MINDY4B: variants seen among roughly 807,000 people sequenced by gnomAD.
MINDY4B encodes inactive ubiquitin carboxyl-terminal hydrolase MINDY-4B.
Under a neutral mutation model 16.7 loss-of-function variants are expected in MINDY4B, and 25 were observed. That is an observed-to-expected ratio of 1.49 (90% CI 1.09 to 2.09). MINDY4B has a LOEUF of 2.09. Ranked by LOEUF, MINDY4B falls within the 30% of genes most tolerant of loss-of-function variation. The probability of loss-of-function intolerance (pLI) is 0.00; values close to 1 mark genes in which losing one functional copy is unlikely to be tolerated. For missense variants in MINDY4B, 327 were observed against 168.4 expected (o/e 1.94, Z -5.21); for synonymous variants, 132 against 61.9 (o/e 2.13, Z -5.32).
intron 11 of MINDY4B, among the ~76,000 whole-genome samples, chr3:150,872,074 CAG>C (rs1436232350): frequency 6.6e-6 from 1 of 152,164 alleles, no homozygotes; most frequent in Non-Finnish European, 1.5e-5. Flanking sequence ...TTCATAAAAA[CAG>C]AAATCCTAGT....
At chr3:150,877,932 C>A (rs1711499265) in intron 10 of MINDY4B, among the ~76,000 whole-genome samples, 1 of 152,104 alleles carries the variant, frequency 6.6e-6, no homozygotes, top group Non-Finnish European at 1.5e-5. Context: ...TAATGGCAGG[C>A]AGCATGGTCC....
rs930514911 is a variant in MINDY4B at position 150,905,202 on chromosome 3, T to C, written c.114-113A>G. On this transcript the variant is annotated intron_variant, in intron 1 of 11. Coordinates refer to ENST00000465419, the MANE Select transcript of MINDY4B (RefSeq NM_001351281.2). ...GGAAGTCTCTGTCCACGAATAGTTA[T>C]GCCTGAAGCATTTTAAAGGTAAATC... 5 of 398,240 alleles carry C rather than the reference T, an allele frequency of 1.3e-5. No individual in the cohort carries two copies. The East Asian group carries it at 1.4e-4, about 11-fold the overall frequency. 24.7% of individuals were successfully genotyped at this position (398,240 alleles called of 1,614,324 possible).
At position 150,894,335 on chromosome 3, in the gene MINDY4B, A is replaced by G. The variant is rs1031067497; in HGVS notation, c.310-30T>C. Reference sequence around the variant, plus strand: ...AAAGAGGGGAAAGAAATGATTCAACAAAAGAGAATTCTTCCTAGACATATT... The same window carrying G: ...AAAGAGGGGAAAGAAATGATTCAACGAAAGAGAATTCTTCCTAGACATATT... On this transcript the variant is annotated intron_variant, in intron 3 of 11. Coordinates refer to ENST00000465419, the MANE Select transcript of MINDY4B (RefSeq NM_001351281.2). 8 of 676,916 alleles carry G rather than the reference A, an allele frequency of 1.2e-5. No homozygotes were observed. The African/African-American group carries it at 1.4e-4, about 12-fold the overall frequency. The allele number at this position is 676,916 out of a possible 1,614,324, so 41.9% of individuals were successfully genotyped here. A position where few individuals can be genotyped will look rare whatever the true frequency, so the allele number is the denominator to read the frequency against.
intron 10 of MINDY4B, among the ~76,000 whole-genome samples, chr3:150,877,304 G>A (rs1711498150): frequency 6.6e-6 from 1 of 152,026 alleles, no homozygotes; most frequent in African/African-American, 2.4e-5. Context: ...CAGATTTGTT[G>A]CACCTACCAT....
At chr3:150,880,157 G>A (rs540502596) in intron 10 of MINDY4B, among the ~76,000 whole-genome samples, 125 of 152,384 alleles carry the variant, frequency 8.2e-4, no homozygotes, top group African/African-American at 2.8e-3. Flanking sequence ...TTGTAAGTGA[G>A]GAAACAGGCT....
Position 150,893,335 on chromosome 3 carries a change from A to G in MINDY4B, c.510T>C (p.Cys170=). ...YLLFTRKGKD[C]NLGNLCEISK... ...CACAGTCCTCTTACTTGCCAAGGTTACAGTCTTTTCCTTTCCTGGTAAACA... is the reference window on the plus strand; with the variant it reads ...CACAGTCCTCTTACTTGCCAAGGTTGCAGTCTTTTCCTTTCCTGGTAAACA... Residue 170 remains cysteine (C), a synonymous_variant, in exon 5 of 12, where the codon TGT becomes TGC. Coordinates refer to ENST00000465419, the MANE Select transcript of MINDY4B (RefSeq NM_001351281.2). 2.8e-6 allele frequency: 2 copies of G among 702,824 alleles called. No individual in the cohort carries two copies. Among genetic ancestry groups the G allele is most frequent in the South Asian group, 3.0e-5 (2 of 67,596 alleles). The allele number at this position is 702,824 out of a possible 1,614,324, so 43.5% of individuals were successfully genotyped here.
At chr3:150,901,781 A>G (rs1712123367) in intron 3 of MINDY4B, among the ~76,000 whole-genome samples, 1 of 152,002 alleles carries the variant, frequency 6.6e-6, no homozygotes, top group African/African-American at 2.4e-5. Flanking sequence ...TCAGCCTCCC[A>G]AAGTGCTGGG....
intron 10 of MINDY4B, among the ~76,000 whole-genome samples, chr3:150,874,005 ATTTTTT>A (rs558319330): frequency 0.018 from 1,469 of 82,034 alleles, 38 homozygotes; most frequent in African/African-American, 0.064. Context: ...TTTAGCCTTG[ATTTTTT>A]TTTTTTTTTT....
intron 4 of MINDY4B, among the ~76,000 whole-genome samples, chr3:150,893,909 T>G (rs142371844): frequency 0.031 from 4,786 of 152,228 alleles, 263 homozygotes; most frequent in African/African-American, 0.11. Context: ...CAGGCTGATC[T>G]TGAACTCCTG....
Position 150,903,344 on chromosome 3 carries a change from C to G in MINDY4B, c.214G>C (p.Gly72Arg), listed in dbSNP as rs1431789096. 18 of 398,456 alleles carry G rather than the reference C, an allele frequency of 4.5e-5. No individual in the cohort carries two copies. The Admixed American group carries it at 7.5e-4, about 17-fold the overall frequency. The allele number at this position is 398,456 out of a possible 1,614,324, so 24.7% of individuals were successfully genotyped here. ...CAAAGGCCACTTGATGGCAAATGTCCTTGTCCTTTGGGCTGAGATAGTCCT... is the reference window on the plus strand; with the variant it reads ...CAAAGGCCACTTGATGGCAAATGTCGTTGTCCTTTGGGCTGAGATAGTCCT... ...GTGLSQPKGQ[G>R]HLPSSGLCSI... is the part of the protein sequence containing the mutation. Residue 72 changes from glycine (G) to arginine (R), a missense_variant, in exon 3 of 12, where the codon GGA (glycine) becomes CGA (arginine). Gly to Arg is a moderately radical substitution (Grantham distance 125, BLOSUM62 -2). Transcript: ENST00000465419.
intron 7 of MINDY4B, among the ~76,000 whole-genome samples, chr3:150,888,906 A>G (rs115999969): frequency 1.1e-4 from 16 of 152,222 alleles, no homozygotes; most frequent in African/African-American, 3.9e-4. Flanking sequence ...AGACTCTCCC[A>G]GATTTGAGTT....
chr3:150,899,130 G>C (rs1461986141), intron 3 of MINDY4B, among the ~76,000 whole-genome samples: 5 of 152,142 alleles, frequency 3.3e-5, no homozygotes, highest in African/African-American at 9.7e-5. Context: ...TATGTAGTAG[G>C]CTCAAAATAG....
intron 3 of MINDY4B, 85 bp from the exon 4 acceptor site, chr3:150,894,390 G>A (rs756053016): frequency 1.3e-5 from 8 of 601,012 alleles, no homozygotes; most frequent in African/African-American, 9.3e-5. Context: ...CCACCTCAAG[G>A]AGGTGGGCCT....
rs116158094 is a variant in MINDY4B at position 150,877,275 on chromosome 3, A to T, written c.1060-3908T>A. On this transcript the variant is annotated intron_variant, in intron 10 of 11. Transcript: ENST00000465419. Reference sequence around the variant, plus strand: ...TTTCTTATATTAGGTTTTTATCATCAGTACATAAAAATAACCTTCAGATTT... The same window carrying T: ...TTTCTTATATTAGGTTTTTATCATCTGTACATAAAAATAACCTTCAGATTT... Among the ~76,000 whole-genome samples the T allele has an allele frequency of 2.0e-3, 307 of 152,266 alleles. 1 individual carries two copies. The highest frequency in any genetic ancestry group is 6.8e-3 in the African/African-American group (282 of 41,560).
intron 11 of MINDY4B, 39 bp downstream of exon 11, chr3:150,873,148 A>T (rs1380415663): frequency 5.8e-6 from 4 of 684,702 alleles, no homozygotes; most frequent in African/African-American, 1.8e-5. Context: ...CTCTTTGAGC[A>T]CATTAAAATC....
At position 150,905,210 on chromosome 3, in the gene MINDY4B, G is replaced by A. The variant is rs1408732280; in HGVS notation, c.113+117C>T. On this transcript the variant is annotated intron_variant, in intron 1 of 11. Transcript: ENST00000465419. ...CTGTCCACGAATAGTTATGCCTGAA[G>A]CATTTTAAAGGTAAATCTATAAAGG... The A allele has an allele frequency of 3.0e-5, 12 of 398,086 alleles. No homozygotes were observed. In the East Asian group the frequency reaches 4.3e-4, roughly 14 times the overall value. 24.7% of individuals were successfully genotyped at this position (398,086 alleles called of 1,614,324 possible).
intron 10 of MINDY4B, among the ~76,000 whole-genome samples, 190 bp from the exon 11 acceptor site, chr3:150,873,557 C>A (rs757660788): frequency 3.9e-5 from 6 of 152,150 alleles, no homozygotes; most frequent in Non-Finnish European, 8.8e-5. Context: ...TATGAATGAT[C>A]TGGTATAGTG....
At chr3:150,895,931 C>T (rs533404222) in intron 3 of MINDY4B, among the ~76,000 whole-genome samples, 1 of 152,012 alleles carries the variant, frequency 6.6e-6, no homozygotes, top group Non-Finnish European at 1.5e-5. Context: ...CTCTATTATT[C>T]CCCCAAATAT....
chr3:150,892,640 C>T (rs552276893), intron 5 of MINDY4B, among the ~76,000 whole-genome samples: 14 of 152,144 alleles, frequency 9.2e-5, no homozygotes, highest in African/African-American at 3.4e-4. Context: ...CATACCTTAT[C>T]AGCCTGGTTA....
Sources: allele counts gnomAD v4.1 joint callset (sites outside exome capture counted in the v4.1 genomes callset), GRCh38; gene constraint gnomAD v4.1.1; transcripts MANE v1.5; gene names NCBI Gene and HGNC (gene_info 2026-07-23, HGNC 2026-07-21).